Variants in LINGO2 observed in about 807,000 individuals in gnomAD.
LINGO2 encodes the protein leucine rich repeat and Ig domain containing 2.
A neutral mutation model predicts 30.6 loss-of-function variants in LINGO2; 14 were observed. The observed-to-expected ratio is 0.46, with a 90% confidence interval of 0.30 to 0.72. The LOEUF is 0.72. LINGO2 is among the 30% of genes least tolerant of loss of function. LINGO2 has a pLI of 0.07. For synonymous variants in LINGO2, 317 were observed against 288.5 expected (o/e 1.10, Z -1.00); for missense variants, 729 against 751.7 (o/e 0.97, Z 0.35).
the LINGO2 span, among the ~76,000 whole-genome samples, chr9:28,848,411 A>G: frequency 1.5e-5 from 2 of 131,344 alleles, no homozygotes; most frequent in South Asian, 2.3e-4. Context: ...ATATATATAT[A>G]TATATATATA....
At chr9:29,118,829 A>G in the LINGO2 span, among the ~76,000 whole-genome samples, 4 of 152,148 alleles carry the variant, frequency 2.6e-5, no homozygotes, top group Non-Finnish European at 5.9e-5. Context: ...GGCCCACGCT[A>G]TCCAGACTCT....
intron 3 of LINGO2, among the ~76,000 whole-genome samples, chr9:28,305,834 T>C (rs1824328285): frequency 6.6e-6 from 1 of 151,960 alleles, no homozygotes; most frequent in Non-Finnish European, 1.5e-5. Context: ...ATTCATCTGG[T>C]CTTTAATTTC....
chr9:28,664,168 A>G (rs1408281350), intron 1 of LINGO2, among the ~76,000 whole-genome samples: 3 of 152,168 alleles, frequency 2.0e-5, no homozygotes, highest in Non-Finnish European at 4.4e-5. Flanking sequence ...TAAAACAGAT[A>G]AAATAATGCT....
intron 2 of LINGO2, among the ~76,000 whole-genome samples, chr9:28,377,196 C>T (rs1267798406): frequency 1.3e-5 from 2 of 152,042 alleles, no homozygotes; most frequent in Non-Finnish European, 2.9e-5. Flanking sequence ...CTTCCCCTTC[C>T]ACCTCCCCCA....
intron 4 of LINGO2, among the ~76,000 whole-genome samples, chr9:28,243,441 C>T (rs9657616): frequency 1.4e-5 from 2 of 138,382 alleles, no homozygotes; most frequent in South Asian, 2.4e-4. Context: ...GCCTGTGCGA[C>T]GGAGAAAGAC....
chr9:28,814,359 C>T, the LINGO2 span, among the ~76,000 whole-genome samples: 2 of 152,042 alleles, frequency 1.3e-5, no homozygotes, highest in African/African-American at 4.8e-5. Flanking sequence ...ATCACTTGAA[C>T]CCGGGAGGCG....
chr9:28,269,031 G>T (rs1822850510), intron 4 of LINGO2, among the ~76,000 whole-genome samples: 1 of 152,008 alleles, frequency 6.6e-6, no homozygotes, highest in South Asian at 2.1e-4. Context: ...CTCTGCACAT[G>T]CATAACCTCT....
At chr9:28,925,214 C>T in the LINGO2 span, among the ~76,000 whole-genome samples, 1 of 152,150 alleles carries the variant, frequency 6.6e-6, no homozygotes, top group African/African-American at 2.4e-5. Context: ...AGAGAAAAGT[C>T]TTGCCTTTGT....
chr9:28,229,829 A>C (rs1049338974), intron 4 of LINGO2, among the ~76,000 whole-genome samples: 2 of 151,834 alleles, frequency 1.3e-5, no homozygotes, highest in Non-Finnish European at 3.0e-5. Flanking sequence ...CTAATAAATA[A>C]TTCACCTTTT....
At chr9:28,643,070 T>C (rs927297819) in intron 1 of LINGO2, among the ~76,000 whole-genome samples, 1 of 152,090 alleles carries the variant, frequency 6.6e-6, no homozygotes, top group Non-Finnish European at 1.5e-5. Flanking sequence ...TATTTCATGT[T>C]CATATGTTAG....
intron 4 of LINGO2, among the ~76,000 whole-genome samples, chr9:28,294,091 G>A (rs1055869770): frequency 4.6e-5 from 7 of 152,100 alleles, no homozygotes; most frequent in Admixed American, 3.9e-4. Context: ...AGATATTTGG[G>A]TTTTATACTC....
chr9:28,029,948 AGG>A (rs1823585305), intron 4 of LINGO2, among the ~76,000 whole-genome samples: 1 of 152,192 alleles, frequency 6.6e-6, no homozygotes, highest in Non-Finnish European at 1.5e-5. Context: ...ACTGAAGGAG[AGG>A]ACAATTCAAG....
rs150335158 is a variant in LINGO2 at position 28,197,093 on chromosome 9, T to C, written c.-87+98115A>G. ...AGGAAATGATAAATCCTTGAGGAGA[T>C]AGATAATTTCTTCCAATTACCCTGA... On this transcript the variant is annotated intron_variant, in intron 4 of 5. Coordinates refer to ENST00000379992, the Ensembl canonical transcript of LINGO2. Among the ~76,000 whole-genome samples, 32 of 152,132 alleles carry C rather than the reference T, an allele frequency of 2.1e-4. No individual in the cohort carries two copies. The East Asian group carries it at 5.8e-3, about 28-fold the overall frequency.
intron 3 of LINGO2, among the ~76,000 whole-genome samples, chr9:28,344,113 G>T (rs1819470915): frequency 6.6e-6 from 1 of 152,042 alleles, no homozygotes; most frequent in South Asian, 2.1e-4. Context: ...AAACATTAAT[G>T]ATTCAGTAAA....
chr9:28,708,819 T>C, the LINGO2 span, among the ~76,000 whole-genome samples: 4 of 139,596 alleles, frequency 2.9e-5, no homozygotes, highest in African/African-American at 1.1e-4. Flanking sequence ...ATCTATCATC[T>C]ATCCATCATC....
At chr9:29,149,675 C>T in the LINGO2 span, among the ~76,000 whole-genome samples, 1 of 152,062 alleles carries the variant, frequency 6.6e-6, no homozygotes, top group Admixed American at 6.5e-5. Flanking sequence ...TACAGGAGAT[C>T]CCACAACCTC....
chr9:28,556,732 C>CCTGA (rs1822722794), intron 1 of LINGO2, among the ~76,000 whole-genome samples: 1 of 151,942 alleles, frequency 6.6e-6, no homozygotes, highest in Admixed American at 6.6e-5. Flanking sequence ...CATCACACTA[C>CCTGA]CTGACTTCAA....
intron 1 of LINGO2, among the ~76,000 whole-genome samples, chr9:28,589,751 C>G (rs1206982632): frequency 6.6e-6 from 1 of 151,786 alleles, no homozygotes; most frequent in Non-Finnish European, 1.5e-5. Flanking sequence ...GATTCAATGC[C>G]ATCCCCATCA....
chr9:29,055,275 A>T, the LINGO2 span, among the ~76,000 whole-genome samples: 1 of 152,200 alleles, frequency 6.6e-6, no homozygotes, highest in Non-Finnish European at 1.5e-5. Flanking sequence ...CAAAAAAAGA[A>T]AAATGTTTTT....
Sources: allele counts gnomAD v4.1 joint callset (sites outside exome capture counted in the v4.1 genomes callset), GRCh38; gene constraint gnomAD v4.1.1; transcripts MANE v1.5; gene names NCBI Gene and HGNC (gene_info 2026-07-23, HGNC 2026-07-21).